The following TMEM132B variants were observed in gnomAD, a reference collection of about 807,000 sequenced individuals.
The protein encoded by TMEM132B is transmembrane protein 132B.
A neutral mutation model predicts 90.8 loss-of-function variants in TMEM132B; 18 were observed. The observed-to-expected ratio is 0.20, with a 90% confidence interval of 0.14 to 0.29. The LOEUF (loss-of-function observed/expected upper bound fraction) is 0.29, where lower values mean the gene tolerates loss of function less well. Among genes scored for constraint, TMEM132B ranks in the 10% least tolerant of loss-of-function variants. The pLI is 1.00. For synonymous variants in TMEM132B, 504 were observed against 523.3 expected, an observed-to-expected ratio of 0.96 and a Z score of 0.50; for missense variants, 1,096 against 1,326.8, an observed-to-expected ratio of 0.83 and a Z score of 2.70.
At chr12:125,488,011 A>T (rs1340606025) in intron 3 of TMEM132B, among the ~76,000 whole-genome samples, 1 of 152,198 alleles carries the variant, frequency 6.6e-6, no homozygotes, top group Non-Finnish European at 1.5e-5. Context: ...GGTCTGGTTG[A>T]AGAAGTTTTC....
chr12:125,641,067 T>A (rs1324756296), intron 5 of TMEM132B, among the ~76,000 whole-genome samples: 1 of 152,110 alleles, frequency 6.6e-6, no homozygotes, highest in Non-Finnish European at 1.5e-5. Flanking sequence ...GGATTCAGAT[T>A]CTGTCCTACT....
At chr12:125,419,033 G>A (rs1880099248) in intron 3 of TMEM132B, among the ~76,000 whole-genome samples, 1 of 152,190 alleles carries the variant, frequency 6.6e-6, no homozygotes, top group South Asian at 2.1e-4. Context: ...TTGTCTGGCT[G>A]TTGGGACCCA....
intron 5 of TMEM132B, among the ~76,000 whole-genome samples, chr12:125,640,744 A>C (rs976823559): frequency 6.6e-6 from 1 of 152,186 alleles, no homozygotes; most frequent in African/African-American, 2.4e-5. Context: ...CAGTACAGGT[A>C]AAATGAGGCT....
chr12:125,402,175 A>ACTATCTAT (rs369737347), intron 2 of TMEM132B, among the ~76,000 whole-genome samples: 5 of 152,194 alleles, frequency 3.3e-5, no homozygotes, highest in South Asian at 2.1e-4. Flanking sequence ...TTGTTTACTT[A>ACTATCTAT]CTATCTATCT....
At position 125,213,496 on chromosome 12, in the gene TMEM132B, A is replaced by G. The variant is rs1274332495; in HGVS notation, c.67+26630A>G. Among the ~76,000 whole-genome samples, 1 of 152,254 alleles carries G rather than the reference A, an allele frequency of 6.6e-6. No homozygotes were observed. Among genetic ancestry groups the G allele is most frequent in the East Asian group, 1.9e-4 (1 of 5,204 alleles). ...ATGGGAAGCCAACTGGAAAGCTATC[A>G]GAATTTTGAGCCCGGAGTTCTGAGC... is the stretch of plus-strand genomic sequence containing the variant. On this transcript the variant is annotated intron_variant, in intron 1 of 8. Coordinates refer to ENST00000682704, the MANE Select transcript of TMEM132B (RefSeq NM_001366854.1). The surrounding 1 kb of genome is among the most constrained non-coding windows in gnomAD (Gnocchi z 4.2).
intron 5 of TMEM132B, among the ~76,000 whole-genome samples, chr12:125,615,825 C>G (rs1885972526): frequency 6.6e-6 from 1 of 152,160 alleles, no homozygotes. Context: ...ACTTTGCCTT[C>G]TGAAGACTTG....
chr12:125,466,310 G>A (rs1881561474), intron 3 of TMEM132B, among the ~76,000 whole-genome samples: 1 of 152,186 alleles, frequency 6.6e-6, no homozygotes, highest in Admixed American at 6.5e-5. Flanking sequence ...GTGGCCACTG[G>A]CATTTAATAA....
chr12:125,280,142 C>T (rs187162336), intron 1 of TMEM132B, among the ~76,000 whole-genome samples: 34 of 152,304 alleles, frequency 2.2e-4, no homozygotes, highest in African/African-American at 7.9e-4. Flanking sequence ...CCTCCAAAAA[C>T]GTAGGACTCT....
At chr12:125,588,874 T>A (rs1386619427) in intron 5 of TMEM132B, among the ~76,000 whole-genome samples, 1 of 152,190 alleles carries the variant, frequency 6.6e-6, no homozygotes, top group Non-Finnish European at 1.5e-5. Flanking sequence ...TTCTATGTAC[T>A]TGTAATTGAA....
chr12:125,650,893 C>T lies in TMEM132B; in HGVS notation c.1854C>T (p.Ile618=), dbSNP rs370664891. 146 of 1,613,660 alleles carry T rather than the reference C, an allele frequency of 9.0e-5. No individual in the cohort carries two copies. Among genetic ancestry groups the T allele is most frequent in the Middle Eastern group, 1.7e-4 (1 of 5,770 alleles). Residue 618 remains isoleucine (I), a synonymous_variant, in exon 7 of 9, where the codon ATC becomes ATT. Transcript: ENST00000682704. ...TCATGAAGGTGGAGGAGCCGAAAATCGCTCAGTTACAGGACGGCAGGACCC... is the reference window on the plus strand; with the variant it reads ...TCATGAAGGTGGAGGAGCCGAAAATTGCTCAGTTACAGGACGGCAGGACCC... ...TEFMKVEEPK[I]AQLQDGRTLA...
intron 1 of TMEM132B, among the ~76,000 whole-genome samples, chr12:125,293,675 T>G (rs1190367114): frequency 9.8e-5 from 15 of 152,368 alleles, no homozygotes; most frequent in Admixed American, 6.5e-4. Flanking sequence ...ATATGCGTCA[T>G]GTTTCCTTTA....
chr12:125,215,654 G>A (rs1469378792), intron 1 of TMEM132B, among the ~76,000 whole-genome samples: 2 of 152,174 alleles, frequency 1.3e-5, no homozygotes, highest in Non-Finnish European at 1.5e-5. Flanking sequence ...TGATTCTCCT[G>A]CCGCAGCCTC....
chr12:125,316,547 C>T (rs909226211), intron 1 of TMEM132B, among the ~76,000 whole-genome samples: 1 of 152,298 alleles, frequency 6.6e-6, no homozygotes. Flanking sequence ...TCCTATGTAC[C>T]TTTAACCTGG....
At chr12:125,533,239 C>A (rs1452839430) in intron 4 of TMEM132B, among the ~76,000 whole-genome samples, 1 of 152,172 alleles carries the variant, frequency 6.6e-6, no homozygotes, top group East Asian at 1.9e-4. Flanking sequence ...TATTTGCACA[C>A]TGCTTGTCAC....
intron 1 of TMEM132B, among the ~76,000 whole-genome samples, chr12:125,214,782 AC>A (rs1873397651): frequency 6.6e-6 from 1 of 152,192 alleles, no homozygotes. Context: ...CCGGAAGCTG[AC>A]CCACAAGGGC....
chr12:125,569,516 A>C (rs1264166509), intron 4 of TMEM132B, among the ~76,000 whole-genome samples: 1 of 152,112 alleles, frequency 6.6e-6, no homozygotes, highest in Non-Finnish European at 1.5e-5. Context: ...CCTTTTTACC[A>C]TGGGCTACTT....
At chr12:125,430,401 G>A (rs1007341834) in intron 3 of TMEM132B, among the ~76,000 whole-genome samples, 10 of 152,054 alleles carry the variant, frequency 6.6e-5, no homozygotes, top group Non-Finnish European at 1.3e-4. Context: ...AGGGGCCTGG[G>A]GCTACTGGAG....
chr12:125,358,709 T>G (rs1877864576), intron 2 of TMEM132B, among the ~76,000 whole-genome samples: 1 of 152,326 alleles, frequency 6.6e-6, no homozygotes, highest in African/African-American at 2.4e-5. Flanking sequence ...GTAACTGATG[T>G]GTCTTCTCAG....
At chr12:125,420,519 G>T (rs1880139847) in intron 3 of TMEM132B, among the ~76,000 whole-genome samples, 1 of 151,290 alleles carries the variant, frequency 6.6e-6, no homozygotes, top group South Asian at 2.1e-4. Context: ...AGAGCAGGGG[G>T]ATCCTGGGCC....
Sources: allele counts gnomAD v4.1 joint callset (sites outside exome capture counted in the v4.1 genomes callset), GRCh38; gene constraint gnomAD v4.1.1; non-coding constraint Gnocchi (gnomAD v3.1); transcripts MANE v1.5; gene names NCBI Gene and HGNC (gene_info 2026-07-23, HGNC 2026-07-21).